Variants in SETX observed in about 807,000 individuals in gnomAD.
SETX encodes the protein helicase senataxin.
A neutral mutation model predicts 227.2 loss-of-function variants in SETX; 90 were observed. The observed-to-expected ratio is 0.40, with a 90% confidence interval of 0.33 to 0.47. SETX has a LOEUF of 0.47. SETX is among the 20% of genes least tolerant of loss of function. The probability of loss-of-function intolerance (pLI) is 0.91; values close to 1 mark genes in which losing one functional copy is unlikely to be tolerated. For missense variants in SETX, 3,052 were observed against 3,181.5 expected (o/e 0.96, Z 0.98); for synonymous variants, 1,210 against 1,113.2 (o/e 1.09, Z -1.73).
In SETX at chr9:132,330,546, T is replaced by C. The variant is rs779647463; in HGVS notation, c.1099-47A>G. ...TGTTCAGATAAATAAGCACCACTTATGACAGGTTCAACACCCAAGTCGTTA... is the reference window on the plus strand; with the variant it reads ...TGTTCAGATAAATAAGCACCACTTACGACAGGTTCAACACCCAAGTCGTTA... On this transcript the variant is annotated intron_variant, in intron 9 of 25. Transcript: ENST00000224140. 40 of 1,547,528 alleles carry C rather than the reference T, an allele frequency of 2.6e-5. No homozygotes were observed. The Middle Eastern group carries it at 5.0e-4, about 19-fold the overall frequency.
At chr9:132,354,370 C>T (rs547912963) in intron 1 of SETX, among the ~76,000 whole-genome samples, 11 of 151,934 alleles carry the variant, frequency 7.2e-5, no homozygotes, top group Admixed American at 7.2e-4. Context: ...GTGACGCGCG[C>T]CTATGGTCCC....
intron 4 of SETX, among the ~76,000 whole-genome samples, chr9:132,343,415 T>C (rs905507186): frequency 1.3e-5 from 2 of 152,206 alleles, no homozygotes; most frequent in African/African-American, 4.8e-5. Context: ...CATATGGTTA[T>C]AGGTCCAACT....
chr9:132,302,901 G>T (rs1189071497), intron 11 of SETX, among the ~76,000 whole-genome samples: 1 of 152,168 alleles, frequency 6.6e-6, no homozygotes, highest in East Asian at 1.9e-4. Context: ...CTGCAATCAA[G>T]ATCAACTGAT....
intron 25 of SETX, chr9:132,269,377 T>C: frequency 6.8e-7 from 1 of 1,476,576 alleles, no homozygotes; most frequent in South Asian, 1.2e-5. Context: ...TCCTATGATG[T>C]GGATAATTTG....
In SETX at chr9:132,328,255, C is replaced by T. The variant is rs772817901; in HGVS notation, c.3343G>A (p.Ala1115Thr). 7 of 1,614,096 alleles carry T rather than the reference C, an allele frequency of 4.3e-6. No individual in the cohort carries two copies. In the South Asian group the frequency reaches 6.6e-5, roughly 15 times the overall value. The change falls in exon 10 of 26, where the codon GCC (alanine) becomes ACC (threonine). Residue 1115 changes from alanine (A) to threonine (T), a missense_variant. Physicochemically the swap from Ala to Thr is moderately conservative, Grantham distance 58 (BLOSUM62 0). Coordinates refer to ENST00000224140, the MANE Select transcript of SETX (RefSeq NM_015046.7). ...DGEKKCLAPIANTTNGQGCTD... is the reference protein window; with the variant it reads ...DGEKKCLAPITNTTNGQGCTD... ...CAACCCTGACCATTTGTAGTATTGG[C>T]TATAGGAGCCAAACATTTTTTCTCA... is the stretch of plus-strand genomic sequence containing the variant.
At chr9:132,306,359 T>A (rs1845335040) in intron 11 of SETX, among the ~76,000 whole-genome samples, 1 of 152,142 alleles carries the variant, frequency 6.6e-6, no homozygotes, top group African/African-American at 2.4e-5. Flanking sequence ...ATTACAGATG[T>A]GCACCACCAC....
At chr9:132,298,449 G>A in intron 12 of SETX, 137 bp from the exon 13 acceptor site, 1 of 784,052 alleles carries the variant, frequency 1.3e-6, no homozygotes, top group East Asian at 2.7e-5. Flanking sequence ...AATATTTATG[G>A]ACTGCTTCCT....
chr9:132,311,572 A>G (rs898504515), intron 11 of SETX, among the ~76,000 whole-genome samples, 185 bp downstream of exon 11: 4 of 152,178 alleles, frequency 2.6e-5, no homozygotes, highest in Non-Finnish European at 5.9e-5. Context: ...GAAAAAAATC[A>G]TAAATTTTAC....
chr9:132,321,172 A>C (rs1026271833), intron 10 of SETX, among the ~76,000 whole-genome samples: 1 of 152,130 alleles, frequency 6.6e-6, no homozygotes, highest in Non-Finnish European at 1.5e-5. Context: ...CCCAGGTAAA[A>C]TATGTGACGA....
intron 19 of SETX, 140 bp from the exon 20 acceptor site, chr9:132,281,714 G>GA: frequency 1.4e-6 from 1 of 722,274 alleles, no homozygotes; most frequent in Non-Finnish European, 2.4e-6. Flanking sequence ...AATTTTCCCT[G>GA]AAAACAAAAA....
At position 132,333,398 on chromosome 9, in the gene SETX, G is replaced by GA. The variant is rs1204669172; in HGVS notation, c.838+1209dup. Among the ~76,000 whole-genome samples the GA allele has an allele frequency of 3.1e-3, 102 of 33,240 alleles. 6 individuals are homozygous for GA. Among genetic ancestry groups the GA allele is most frequent in the African/African-American group, 0.013 (90 of 7,012 alleles). The allele number at this position is 33,240 out of a possible 152,430, so 21.8% of individuals were successfully genotyped here. A position where few individuals can be genotyped will look rare whatever the true frequency, so the allele number is the denominator to read the frequency against. On this transcript the variant is annotated intron_variant, in intron 7 of 25. Transcript: ENST00000224140. ...GTCTCAAAAAGAAAAAAAAAAAAAA[G>GA]AAAAAAAAAAATATATATACACACA... is the stretch of plus-strand genomic sequence containing the variant.
intron 11 of SETX, among the ~76,000 whole-genome samples, chr9:132,302,588 A>C (rs1218649132): frequency 7.6e-6 from 1 of 132,360 alleles, no homozygotes; most frequent in Non-Finnish European, 1.6e-5. Flanking sequence ...TGAACCTGGG[A>C]GGTGGAGATT....
At chr9:132,332,068 T>C (rs1847270903) in intron 7 of SETX, among the ~76,000 whole-genome samples, 1 of 152,228 alleles carries the variant, frequency 6.6e-6, no homozygotes, top group Admixed American at 6.5e-5. Context: ...TCCAACCTCC[T>C]GCTTCTCTAT....
chr9:132,318,052 TTGTC>T (rs559056143), intron 10 of SETX, among the ~76,000 whole-genome samples: 226 of 152,312 alleles, frequency 1.5e-3, no homozygotes, highest in African/African-American at 4.6e-3. Context: ...TTGCTTTTTC[TTGTC>T]TATTTTCTGC....
intron 20 of SETX, among the ~76,000 whole-genome samples, chr9:132,278,677 T>C (rs1387724422): frequency 6.6e-6 from 1 of 152,056 alleles, no homozygotes; most frequent in Non-Finnish European, 1.5e-5. Flanking sequence ...ATACTGCTAA[T>C]GAAAGAGATA....
chr9:132,304,377 T>C (rs1349755302), intron 11 of SETX, among the ~76,000 whole-genome samples: 1 of 151,934 alleles, frequency 6.6e-6, no homozygotes, highest in African/African-American at 2.4e-5. Context: ...TGCAAGACCC[T>C]CAAAAGTGGA....
chr9:132,355,989 G>GAAAA (rs1213549776), upstream of SETX, among the ~76,000 whole-genome samples: 4 of 85,152 alleles, frequency 4.7e-5, no homozygotes, highest in East Asian at 2.8e-4. Flanking sequence ...TCTCTCTCCG[G>GAAAA]AAAAAAAAAA....
At chr9:132,308,505 T>A (rs541897573) in intron 11 of SETX, among the ~76,000 whole-genome samples, 1 of 152,284 alleles carries the variant, frequency 6.6e-6, no homozygotes, top group South Asian at 2.1e-4. Flanking sequence ...GTGGACTACT[T>A]TGGATCTTAA....
intron 10 of SETX, among the ~76,000 whole-genome samples, chr9:132,313,338 T>C (rs1845779930): frequency 6.6e-6 from 1 of 152,130 alleles, no homozygotes; most frequent in South Asian, 2.1e-4. Flanking sequence ...TGAGAGTACC[T>C]AGAAGATCCT....
Sources: gnomAD v4.1 joint callset for allele counts (sites outside exome capture counted in the v4.1 genomes callset) on GRCh38, gnomAD v4.1.1 for gene constraint, MANE v1.5 for transcripts, NCBI Gene and HGNC (gene_info 2026-07-23, HGNC 2026-07-21) for gene names.